SORCS2: variants seen among roughly 807,000 people sequenced by gnomAD.
SORCS2 encodes the protein sortilin related VPS10 domain containing receptor 2.
A neutral mutation model predicts 141.6 loss-of-function variants in SORCS2; 100 were observed. The ratio of observed to expected loss-of-function variants is 0.71; its 90% CI spans 0.60 to 0.83. SORCS2 has a LOEUF of 0.83. Ranked by LOEUF, SORCS2 falls within the 40% of genes least tolerant of loss-of-function variation. SORCS2 has a pLI of 0.00. For missense variants in SORCS2, 1,646 were observed against 1,560.2 expected (o/e 1.05, Z -0.93); for synonymous variants, 789 against 676.9 (o/e 1.17, Z -2.57).
intron 12 of SORCS2, among the ~76,000 whole-genome samples, chr4:7,699,924 T>C (rs1422539556): frequency 1.3e-5 from 2 of 152,182 alleles, no homozygotes; most frequent in African/African-American, 2.4e-5. Context: ...GCCCCTCTTG[T>C]CCGTCTCTCC....
At chr4:7,281,207 C>T (rs746359740) in intron 1 of SORCS2, among the ~76,000 whole-genome samples, 5 of 152,082 alleles carry the variant, frequency 3.3e-5, no homozygotes, top group African/African-American at 7.2e-5. Flanking sequence ...GGAAGCAGAG[C>T]ATGGGGTCAC....
At position 7,443,419 on chromosome 4, in the gene SORCS2, G is replaced by A. The variant is rs1189375094; in HGVS notation, c.548+47064G>A. Among the ~76,000 whole-genome samples the A allele has an allele frequency of 5.9e-5, 9 of 152,260 alleles. No homozygotes were observed. In the South Asian group the frequency reaches 6.2e-4, roughly 11 times the overall value. ...TGCTGCCTCTAAAGCCCTTCTGAGCGCACAGCCGCGAATGGAGCCTCAACC... is the reference window on the plus strand; with the variant it reads ...TGCTGCCTCTAAAGCCCTTCTGAGCACACAGCCGCGAATGGAGCCTCAACC... On this transcript the variant is annotated intron_variant, in intron 2 of 26. Coordinates refer to ENST00000507866, the MANE Select transcript of SORCS2 (RefSeq NM_020777.3).
At chr4:7,640,048 AGT>A (rs534541118) in intron 4 of SORCS2, among the ~76,000 whole-genome samples, 169 of 126,100 alleles carry the variant, frequency 1.3e-3, no homozygotes, top group African/African-American at 3.1e-3. Context: ...CATGTGTGAG[AGT>A]GTGAGTGTGT....
Position 7,320,168 on chromosome 4 carries a change from G to T in SORCS2, c.481-76120G>T, listed in dbSNP as rs142345067. On this transcript the variant is annotated intron_variant, in intron 1 of 26. Transcript: ENST00000507866. ...AAAAATGAAAATAAGATTTTAAAAA[G>T]ATACGGAAATATATGCATCACTTAA... 1.2e-3 allele frequency among the ~76,000 whole-genome samples: 187 copies of T among 152,262 alleles called. 3 individuals are homozygous for T. Among genetic ancestry groups the T allele is most frequent in the Non-Finnish European group, 4.1e-4 (28 of 68,020 alleles).
intron 2 of SORCS2, among the ~76,000 whole-genome samples, chr4:7,454,849 GGT>G (rs1728767330): frequency 1.4e-5 from 2 of 137,934 alleles, no homozygotes; most frequent in African/African-American, 2.8e-5. Flanking sequence ...GTTGGGGTCA[GGT>G]GCTGTGTTGG....
chr4:7,276,752 C>T (rs1715525529), intron 1 of SORCS2, among the ~76,000 whole-genome samples: 3 of 152,210 alleles, frequency 2.0e-5, no homozygotes, highest in South Asian at 4.1e-4. Flanking sequence ...GAGCTGACCT[C>T]ATCTCTGTCT....
chr4:7,299,769 C>T (rs1175353027), intron 1 of SORCS2, among the ~76,000 whole-genome samples: 1 of 152,200 alleles, frequency 6.6e-6, no homozygotes, highest in Non-Finnish European at 1.5e-5. Flanking sequence ...GCCTGCGGGG[C>T]GTTTCTGCTT....
At chr4:7,454,310 A>T (rs1387242189) in intron 2 of SORCS2, among the ~76,000 whole-genome samples, 5 of 49,148 alleles carry the variant, frequency 1.0e-4, no homozygotes, top group South Asian at 7.2e-4. Flanking sequence ...TGGGGTTAGG[A>T]GCTGTGTGTT....
intron 1 of SORCS2, among the ~76,000 whole-genome samples, chr4:7,195,481 A>G (rs1727120316): frequency 6.6e-6 from 1 of 152,136 alleles, no homozygotes; most frequent in South Asian, 2.1e-4. Context: ...TGCCTCTCTC[A>G]CACACCCATT....
intron 1 of SORCS2, among the ~76,000 whole-genome samples, chr4:7,302,059 C>A (rs746886522): frequency 6.6e-6 from 1 of 152,226 alleles, no homozygotes; most frequent in Non-Finnish European, 1.5e-5. Context: ...CCAAAGTGTC[C>A]GTACCTGCAT....
At chr4:7,551,695 A>G (rs1713715544) in intron 3 of SORCS2, among the ~76,000 whole-genome samples, 1 of 152,170 alleles carries the variant, frequency 6.6e-6, no homozygotes, top group Non-Finnish European at 1.5e-5. Context: ...TGTATCCACA[A>G]CACCCTCACC....
intron 1 of SORCS2, among the ~76,000 whole-genome samples, chr4:7,348,777 T>C (rs1720778479): frequency 6.6e-6 from 1 of 152,184 alleles, no homozygotes. Context: ...GGTCTTGAAC[T>C]CCTGACCTAA....
At chr4:7,639,010 T>A (rs962479587) in intron 4 of SORCS2, among the ~76,000 whole-genome samples, 5 of 151,840 alleles carry the variant, frequency 3.3e-5, no homozygotes, top group African/African-American at 1.2e-4. Context: ...TGTCCCCCGG[T>A]GAGTGGGGGA....
chr4:7,535,385 G>C (rs1163759653), intron 3 of SORCS2, among the ~76,000 whole-genome samples: 1 of 152,214 alleles, frequency 6.6e-6, no homozygotes, highest in African/African-American at 2.4e-5. Flanking sequence ...AATGGGATGA[G>C]AGGCTGACCC....
intron 3 of SORCS2, among the ~76,000 whole-genome samples, chr4:7,556,322 C>T (rs994349992): frequency 6.6e-6 from 1 of 152,004 alleles, no homozygotes; most frequent in African/African-American, 2.4e-5. Context: ...AAAGGTGCCT[C>T]GAGGCATCTG....
chr4:7,611,366 G>C (rs1021335401), intron 3 of SORCS2, among the ~76,000 whole-genome samples: 1 of 152,166 alleles, frequency 6.6e-6, no homozygotes, highest in African/African-American at 2.4e-5. Flanking sequence ...GGTGCAGTTG[G>C]ACAGTCATGG....
intron 3 of SORCS2, among the ~76,000 whole-genome samples, chr4:7,543,956 C>CCATCCATT (rs1713020448): frequency 1.3e-5 from 2 of 149,298 alleles, no homozygotes. Context: ...ATCCATCCAT[C>CCATCCATT]CATCCATCCA....
chr4:7,319,432 T>C (rs1293026177), intron 1 of SORCS2, among the ~76,000 whole-genome samples: 4 of 152,104 alleles, frequency 2.6e-5, no homozygotes. Flanking sequence ...AGGCTGGGCA[T>C]GGTGGCTCAC....
chr4:7,581,905 A>G (rs1250543259), intron 3 of SORCS2, among the ~76,000 whole-genome samples: 4 of 152,226 alleles, frequency 2.6e-5, no homozygotes, highest in Non-Finnish European at 5.9e-5. Flanking sequence ...ATTTCTTAAT[A>G]TATCTCCTTC....
Sources: allele counts gnomAD v4.1 joint callset (sites outside exome capture counted in the v4.1 genomes callset), GRCh38; gene constraint gnomAD v4.1.1; transcripts MANE v1.5; gene names NCBI Gene and HGNC (gene_info 2026-07-23, HGNC 2026-07-21).